GLI3: variants seen among roughly 807,000 people sequenced by gnomAD.
GLI3 encodes the protein GLI family zinc finger 3.
A neutral mutation model predicts 100.8 loss-of-function variants in GLI3; 20 were observed. The ratio of observed to expected loss-of-function variants is 0.20; its 90% CI spans 0.14 to 0.29. The LOEUF (loss-of-function observed/expected upper bound fraction) is 0.29. Among genes scored for constraint, GLI3 ranks in the 10% least tolerant of loss-of-function variants. GLI3 has a pLI of 1.00. For missense variants in GLI3, 2,040 were observed against 2,128.5 expected (o/e 0.96, Z 0.82); for synonymous variants, 938 against 860.5 (o/e 1.09, Z -1.58).
chr7:42,242,782 A>G (rs1392680049), upstream of GLI3, among the ~76,000 whole-genome samples: 1 of 152,182 alleles, frequency 6.6e-6, no homozygotes. Context: ...CCCCACACCT[A>G]GAAGCTTGTG....
chr7:42,136,206 C>T (rs1405851362), intron 3 of GLI3, among the ~76,000 whole-genome samples: 1 of 152,170 alleles, frequency 6.6e-6, no homozygotes, highest in Non-Finnish European at 1.5e-5. Flanking sequence ...AGAGACAGCC[C>T]ATCTTCCAAA....
intron 2 of GLI3, among the ~76,000 whole-genome samples, chr7:42,194,656 C>G (rs1021421920): frequency 2.6e-5 from 4 of 152,066 alleles, no homozygotes; most frequent in Non-Finnish European, 4.4e-5. Context: ...GCTAGAGAAC[C>G]AGGTAGCATC....
At chr7:42,217,857 G>A (rs148587959) in intron 2 of GLI3, among the ~76,000 whole-genome samples, 193 of 152,284 alleles carry the variant, frequency 1.3e-3, no homozygotes, top group African/African-American at 4.3e-3. Context: ...GATTCATAAC[G>A]TTTAACTCAC....
intron 3 of GLI3, among the ~76,000 whole-genome samples, chr7:42,088,227 G>A (rs1050630962): frequency 6.6e-6 from 1 of 152,186 alleles, no homozygotes; most frequent in Non-Finnish European, 1.5e-5. Context: ...GAAGGAGTCC[G>A]AAATACCTTT....
chr7:42,090,672 G>A (rs748928369), intron 3 of GLI3, among the ~76,000 whole-genome samples: 3 of 152,154 alleles, frequency 2.0e-5, no homozygotes, highest in Non-Finnish European at 2.9e-5. Flanking sequence ...TAAGGTCTGT[G>A]GCAAGGACCT....
chr7:42,055,410 C>T (rs1784439520), intron 4 of GLI3, among the ~76,000 whole-genome samples: 1 of 152,010 alleles, frequency 6.6e-6, no homozygotes, highest in Non-Finnish European at 1.5e-5. Context: ...CTCGCCTTCC[C>T]TCCGGTTTCC....
chr7:42,214,401 T>C (rs1788331882), intron 2 of GLI3, among the ~76,000 whole-genome samples: 1 of 150,552 alleles, frequency 6.6e-6, no homozygotes, highest in East Asian at 2.0e-4. Flanking sequence ...CGGAACCATG[T>C]GGGAATGGTC....
intron 2 of GLI3, among the ~76,000 whole-genome samples, chr7:42,217,773 A>G (rs1208749069): frequency 6.6e-6 from 1 of 152,202 alleles, no homozygotes; most frequent in Admixed American, 6.5e-5. Context: ...ATTCACCATT[A>G]CTTTTGGCAA....
At chr7:41,980,066 G>C (rs1787614451) in intron 10 of GLI3, among the ~76,000 whole-genome samples, 1 of 152,338 alleles carries the variant, frequency 6.6e-6, no homozygotes, top group East Asian at 1.9e-4. Context: ...AAAAGAAATT[G>C]TTGTTCTCTA....
intron 4 of GLI3, among the ~76,000 whole-genome samples, chr7:42,057,808 T>C (rs1406826964): frequency 6.6e-6 from 1 of 152,196 alleles, no homozygotes; most frequent in African/African-American, 2.4e-5. Context: ...TTCTCACTTA[T>C]AACTGGGAGC....
At chr7:42,127,371 G>A (rs575153591) in intron 3 of GLI3, among the ~76,000 whole-genome samples, 1 of 152,350 alleles carries the variant, frequency 6.6e-6, no homozygotes, top group Admixed American at 6.5e-5. Flanking sequence ...TGTACTTCAT[G>A]TGAGGTGGGC....
intron 6 of GLI3, among the ~76,000 whole-genome samples, chr7:42,043,941 T>C (rs979598202): frequency 2.0e-5 from 3 of 152,224 alleles, no homozygotes; most frequent in African/African-American, 2.4e-5. Flanking sequence ...AAGCTCTCTA[T>C]GCTAAAAAGC....
intron 10 of GLI3, among the ~76,000 whole-genome samples, chr7:41,985,661 C>A (rs1787799919): frequency 6.6e-6 from 1 of 152,168 alleles, no homozygotes; most frequent in Non-Finnish European, 1.5e-5. Flanking sequence ...TCCCTCAAAA[C>A]TTCCTGCCTG....
chr7:42,051,739 C>T (rs1480695426), intron 4 of GLI3, among the ~76,000 whole-genome samples: 1 of 152,086 alleles, frequency 6.6e-6, no homozygotes, highest in East Asian at 1.9e-4. Flanking sequence ...CAGAGATTTC[C>T]CATATAACCC....
At position 41,965,227 on chromosome 7, in the gene GLI3, C is replaced by G; in HGVS notation, c.3846G>C (p.Lys1282Asn). ...CCCCGCTCCCTTGCATGGGGGTGCT[C>G]TTCAGCTTTGAGGCTTGAATCCCGG... ...CGAGIQASKL[K>N]STPMQGSGGQ... The change falls in exon 15 of 15, where the codon AAG becomes AAC. Residue 1282 changes from lysine (K) to asparagine (N), a missense_variant. By Grantham distance (94) the Lys-to-Asn change is moderately conservative. Transcript: ENST00000395925. The G allele has an allele frequency of 6.2e-7, 1 of 1,613,946 alleles. No individual in the cohort carries two copies. Among genetic ancestry groups the G allele is most frequent in the Non-Finnish European group, 8.5e-7 (1 of 1,179,998 alleles).
At chr7:42,186,422 C>T (rs1238272975) in intron 2 of GLI3, among the ~76,000 whole-genome samples, 14 of 152,122 alleles carry the variant, frequency 9.2e-5, no homozygotes, top group Admixed American at 5.9e-4. Flanking sequence ...AGAATAATGA[C>T]GTTCTTGATT....
chr7:42,071,963 G>A (rs1397670491), intron 4 of GLI3, among the ~76,000 whole-genome samples: 1 of 152,080 alleles, frequency 6.6e-6, no homozygotes, highest in African/African-American at 2.4e-5. Context: ...CTTGGAAGGA[G>A]ACACATTGAC....
Position 42,148,440 on chromosome 7 carries a change from G to A in GLI3, c.153C>T (p.His51=). The part of the protein sequence containing the change: ...NEDESPGQTY[H]RERRNAITMQ... ...TAGTGATTGCGTTTCTTCTCTCTCTGTGATAAGTCTGTCCAGGACTTTCAT... is the reference window on the plus strand; with the variant it reads ...TAGTGATTGCGTTTCTTCTCTCTCTATGATAAGTCTGTCCAGGACTTTCAT... Residue 51 remains histidine, a synonymous_variant, in exon 3 of 15, where the codon CAC becomes CAT. Transcript: ENST00000395925. The A allele has an allele frequency of 6.2e-7, 1 of 1,613,766 alleles. No homozygotes were observed. Among genetic ancestry groups the A allele is most frequent in the Non-Finnish European group, 8.5e-7 (1 of 1,179,678 alleles).
intron 3 of GLI3, among the ~76,000 whole-genome samples, chr7:42,112,698 ATGCC>A (rs1173147618): frequency 6.6e-6 from 1 of 152,158 alleles, no homozygotes; most frequent in Non-Finnish European, 1.5e-5. Flanking sequence ...AACTATAAGG[ATGCC>A]TGACATTTAC....
Sources: allele counts gnomAD v4.1 joint callset (sites outside exome capture counted in the v4.1 genomes callset), GRCh38; gene constraint gnomAD v4.1.1; transcripts MANE v1.5; gene names NCBI Gene and HGNC (gene_info 2026-07-23, HGNC 2026-07-21).